C16orf74: variants seen among roughly 807,000 people sequenced by gnomAD.
The protein encoded by C16orf74 is uncharacterized protein C16orf74.
In C16orf74, 10 loss-of-function variants were observed where a neutral mutation model predicts 6.5. The ratio of observed to expected loss-of-function variants is 1.54; its 90% CI spans 0.95 to 2.61. The LOEUF is 2.61. Ranked by LOEUF, C16orf74 falls within the 30% of genes most tolerant of loss-of-function variation. The probability of loss-of-function intolerance (pLI) is 0.00; values close to 1 mark genes in which losing one functional copy is unlikely to be tolerated. For synonymous variants in C16orf74, 60 were observed against 42.5 expected (o/e 1.41, Z -1.60); for missense variants, 141 against 105.9 (o/e 1.33, Z -1.45).
intron 2 of C16orf74, among the ~76,000 whole-genome samples, chr16:85,718,609 T>C (rs911859890): frequency 1.3e-5 from 2 of 152,172 alleles, no homozygotes; most frequent in Non-Finnish European, 2.9e-5. Flanking sequence ...AGTGCCCAGG[T>C]CCGGGTGGGC....
chr16:85,737,970 T>TG (rs2054262686), intron 1 of C16orf74, among the ~76,000 whole-genome samples: 3 of 151,664 alleles, frequency 2.0e-5, no homozygotes, highest in African/African-American at 7.2e-5. Context: ...GATTTTTTTT[T>TG]TTTTTTTTTT....
At chr16:85,710,810 G>C (rs138242680) in intron 2 of C16orf74, 3 of 153,054 alleles carry the variant, frequency 2.0e-5, no homozygotes, top group African/African-American at 7.2e-5. Context: ...CCAGTGCAAC[G>C]GGCTCTTCCT....
chr16:85,720,764 C>G (rs1431018035), intron 2 of C16orf74, among the ~76,000 whole-genome samples: 1 of 138,850 alleles, frequency 7.2e-6, no homozygotes, highest in African/African-American at 2.7e-5. Flanking sequence ...CAAGAGAGAT[C>G]CTGCCTCAAA....
At chr16:85,742,949 A>G (rs2054326421) in intron 1 of C16orf74, among the ~76,000 whole-genome samples, 2 of 152,212 alleles carry the variant, frequency 1.3e-5, no homozygotes, top group Non-Finnish European at 2.9e-5. Flanking sequence ...TGTCACTGTC[A>G]TCATTGTTGC....
chr16:85,741,443 G>A (rs139618767), intron 1 of C16orf74, among the ~76,000 whole-genome samples: 2,952 of 152,276 alleles, frequency 0.019, 54 homozygotes, highest in Non-Finnish European at 0.025. Flanking sequence ...TGGGGGACCA[G>A]GAGCAGCTCC....
At chr16:85,711,623 CAA>C (rs57336507) in intron 2 of C16orf74, among the ~76,000 whole-genome samples, 2,231 of 111,006 alleles carry the variant, frequency 0.02, 38 homozygotes, top group African/African-American at 0.059. Flanking sequence ...AACTCTGTCT[CAA>C]AAAAAAAAAA....
In C16orf74 at chr16:85,710,319, G is replaced by T; in HGVS notation, c.29-12C>A. The T allele has an allele frequency of 1.3e-6, 2 of 1,496,234 alleles. No homozygotes were observed. Among genetic ancestry groups the T allele is most frequent in the Non-Finnish European group, 8.8e-7 (1 of 1,135,178 alleles). 92.7% of individuals were successfully genotyped at this position (1,496,234 alleles called of 1,614,324 possible). A position where few individuals can be genotyped will look rare whatever the true frequency, so the allele number is the denominator to read the frequency against. On this transcript the variant is annotated splice_polypyrimidine_tract_variant and intron_variant, in intron 2 of 3. Transcript: ENST00000284245. ...ACACATTTGAAAGCCTGAGAAGCCAGGCGTGGAGCACACACGCACGTACAC... is the reference window on the plus strand; with the variant it reads ...ACACATTTGAAAGCCTGAGAAGCCATGCGTGGAGCACACACGCACGTACAC...
chr16:85,712,542 C>T (rs1039335485), intron 2 of C16orf74, among the ~76,000 whole-genome samples: 9 of 152,156 alleles, frequency 5.9e-5, no homozygotes, highest in Non-Finnish European at 1.0e-4. Context: ...CCTGGGCTGT[C>T]AGGGATGATC....
chr16:85,733,432 T>G (rs1439070615), intron 2 of C16orf74, among the ~76,000 whole-genome samples: 1 of 152,154 alleles, frequency 6.6e-6, no homozygotes, highest in Non-Finnish European at 1.5e-5. Flanking sequence ...GGACAGAGTT[T>G]CAGTTGGAGA....
chr16:85,718,241 G>C (rs150258787), intron 2 of C16orf74, among the ~76,000 whole-genome samples: 1 of 152,022 alleles, frequency 6.6e-6, no homozygotes, highest in African/African-American at 2.4e-5. Context: ...ACCTGGCTAA[G>C]TTTTAAACTT....
At chr16:85,726,249 C>A (rs888259937) in intron 2 of C16orf74, among the ~76,000 whole-genome samples, 1 of 152,236 alleles carries the variant, frequency 6.6e-6, no homozygotes, top group African/African-American at 2.4e-5. Flanking sequence ...GTCTCTCCCC[C>A]ATGGACAGGA....
At chr16:85,733,430 T>C (rs1275008743) in intron 2 of C16orf74, among the ~76,000 whole-genome samples, 1 of 151,804 alleles carries the variant, frequency 6.6e-6, no homozygotes, top group Admixed American at 6.6e-5. Context: ...GGGGACAGAG[T>C]TTCAGTTGGA....
intron 1 of C16orf74, among the ~76,000 whole-genome samples, chr16:85,740,769 T>C (rs1263472561): frequency 7.9e-6 from 1 of 126,248 alleles, no homozygotes; most frequent in Non-Finnish European, 1.6e-5. Flanking sequence ...GAGATGGAGG[T>C]TTTAGTGAGC....
At chr16:85,713,859 G>A (rs746636620) in intron 2 of C16orf74, among the ~76,000 whole-genome samples, 33 of 152,204 alleles carry the variant, frequency 2.2e-4, no homozygotes, top group Non-Finnish European at 4.6e-4. Context: ...CACGAGGAGA[G>A]GACAGTGGGA....
chr16:85,712,132 G>A (rs923439038), intron 2 of C16orf74, among the ~76,000 whole-genome samples: 1 of 152,236 alleles, frequency 6.6e-6, no homozygotes. Context: ...ACGTGGGTGA[G>A]GAATCAAGGC....
intron 2 of C16orf74, among the ~76,000 whole-genome samples, chr16:85,724,838 G>T (rs891307607): frequency 6.6e-6 from 1 of 152,190 alleles, no homozygotes; most frequent in African/African-American, 2.4e-5. Context: ...GGGCTACAGG[G>T]ATCAAAAAGA....
chr16:85,735,000 A>G (rs409342), intron 2 of C16orf74, among the ~76,000 whole-genome samples, 190 bp downstream of exon 2: 147,064 of 152,280 alleles, frequency 0.97, 71,244 homozygotes, highest in East Asian at 1. Flanking sequence ...CTAGTGAAAT[A>G]GAAGGCCTGG....
rs775052111 is a variant in C16orf74 at position 85,710,260 on chromosome 16, G to A, written c.76C>T (p.Pro26Ser). Residue 26 changes from proline (P) to serine (S), a missense_variant, in exon 3 of 4, where the codon CCC (proline) becomes TCC (serine). By Grantham distance (74) the Pro-to-Ser change is moderately conservative (BLOSUM62 -1). Coordinates refer to ENST00000284245, the MANE Select transcript of C16orf74 (RefSeq NM_206967.3). ...TCCAGGTGCTTGTCGTTCAGGACGGGGGCCTCGTCGTGGCTGCTGCTGCTG... is the reference window on the plus strand; with the variant it reads ...TCCAGGTGCTTGTCGTTCAGGACGGAGGCCTCGTCGTGGCTGCTGCTGCTG... The part of the protein sequence containing the change: ...SSSSSSHDEA[P>S]VLNDKHLDVP... 1 of 1,513,464 alleles carries A rather than the reference G, an allele frequency of 6.6e-7. No homozygotes were observed. The highest frequency in any genetic ancestry group is 1.3e-5 in the South Asian group (1 of 75,132). The allele number at this position is 1,513,464 out of a possible 1,614,324, so 93.8% of individuals were successfully genotyped here.
chr16:85,730,405 C>A (rs2054175676), intron 2 of C16orf74, among the ~76,000 whole-genome samples: 1 of 152,084 alleles, frequency 6.6e-6, no homozygotes, highest in Non-Finnish European at 1.5e-5. Context: ...CAAGGTGCCT[C>A]CCGGCTCAGA....
Sources: allele counts gnomAD v4.1 joint callset (sites outside exome capture counted in the v4.1 genomes callset), GRCh38; gene constraint gnomAD v4.1.1; transcripts MANE v1.5; gene names NCBI Gene and HGNC (gene_info 2026-07-23, HGNC 2026-07-21).